Variants in PPM1A observed in about 807,000 individuals in gnomAD.
The protein encoded by PPM1A is protein phosphatase 1A.
Under a neutral mutation model 35.0 loss-of-function variants are expected in PPM1A, and 7 were observed. The observed-to-expected ratio is 0.20, with a 90% CI of 0.11 to 0.38. The LOEUF is 0.38. Among genes scored for constraint, PPM1A ranks in the 10% least tolerant of loss-of-function variants. The probability of loss-of-function intolerance (pLI) is 1.00; values close to 1 mark genes in which losing one functional copy is unlikely to be tolerated. For missense variants in PPM1A, 239 were observed against 467.8 expected (o/e 0.51, Z 4.51); for synonymous variants, 153 against 167.3 (o/e 0.91, Z 0.66).
At chr14:60,262,802 TAAAC>T (rs1883904829) in intron 1 of PPM1A, among the ~76,000 whole-genome samples, 1 of 152,246 alleles carries the variant, frequency 6.6e-6, no homozygotes, top group African/African-American at 2.4e-5. Flanking sequence ...GAGTATTTGT[TAAAC>T]AAGACTAAGC....
At chr14:60,250,353 T>G in intron 1 of PPM1A, 50 of 841,772 alleles carry the variant, frequency 5.9e-5, no homozygotes, top group South Asian at 1.1e-4. Flanking sequence ...AGAGCTTGGT[T>G]GAGGTATGGT....
chr14:60,263,601 T>TA (rs1429619470), intron 1 of PPM1A, among the ~76,000 whole-genome samples: 1 of 152,196 alleles, frequency 6.6e-6, no homozygotes, highest in East Asian at 1.9e-4. Flanking sequence ...GTTGGGCTTC[T>TA]AGTGTACCCA....
chr14:60,247,945 T>G (rs1411837464), upstream of PPM1A, among the ~76,000 whole-genome samples: 1 of 152,114 alleles, frequency 6.6e-6, no homozygotes, highest in African/African-American at 2.4e-5. Context: ...TACAATGAAG[T>G]CTTTGGTTTG....
chr14:60,286,294 T>G, intron 3 of PPM1A: 1 of 985,802 alleles, frequency 1.0e-6, no homozygotes. Context: ...AAGATAGACC[T>G]CAATAAAAGA....
intron 1 of PPM1A, among the ~76,000 whole-genome samples, chr14:60,257,875 A>G (rs1385879627): frequency 2.0e-5 from 3 of 152,192 alleles, no homozygotes; most frequent in Non-Finnish European, 4.4e-5. Context: ...TTAGAAAAAC[A>G]TCTTTGCAGT....
At position 60,285,753 on chromosome 14, in the gene PPM1A, A is replaced by T; in HGVS notation, c.952+12A>T. The T allele has an allele frequency of 6.2e-7, 1 of 1,604,178 alleles. No individual in the cohort carries two copies. The highest frequency in any genetic ancestry group is 8.5e-7 in the Non-Finnish European group (1 of 1,177,052). ...ATGCAGAGTAGAAGGTGGATCATTT[A>T]ACAAAAAATAAGTAGCTTTATTAAA... On this transcript the variant is annotated intron_variant, in intron 3 of 5. Transcript: ENST00000395076.
At chr14:60,270,415 T>C (rs1276305668) in intron 1 of PPM1A, among the ~76,000 whole-genome samples, 1 of 152,130 alleles carries the variant, frequency 6.6e-6, no homozygotes, top group Non-Finnish European at 1.5e-5. Flanking sequence ...TGAGTACTTT[T>C]TTAGTTACTT....
chr14:60,297,853 A>G lies in PPM1A; in HGVS notation c.*5371A>G, dbSNP rs868467316. 2.0e-5 allele frequency: 3 copies of G among 151,576 alleles called. No individual in the cohort carries two copies. Among genetic ancestry groups the G allele is most frequent in the Middle Eastern group, 3.2e-3 (1 of 316 alleles). The allele number at this position is 151,576 out of a possible 1,614,324, so 9.4% of individuals were successfully genotyped here. ...AGGAAAATGCGTATATAACATACAT[A>G]TCTCCCTAAAGTTTACAATATTGTA... On this transcript the variant is annotated 3_prime_UTR_variant, in exon 6 of 6. Transcript: ENST00000395076.
In PPM1A at chr14:60,289,936, C is replaced by G. The variant is rs376582808; in HGVS notation, c.1061+22C>G. The G allele has an allele frequency of 6.9e-7, 1 of 1,440,668 alleles. No homozygotes were observed. The allele number at this position is 1,440,668 out of a possible 1,614,324, so 89.2% of individuals were successfully genotyped here. A position where few individuals can be genotyped will look rare whatever the true frequency, so the allele number is the denominator to read the frequency against. ...GCAAGTAAGTTACATTCTGTACACT[C>G]TTATGCTTTATGTCAGTGTATGAAA... On this transcript the variant is annotated intron_variant, in intron 4 of 5. Coordinates refer to ENST00000395076, the MANE Select transcript of PPM1A (RefSeq NM_021003.5). The surrounding 1 kb of genome is among the most constrained non-coding windows in gnomAD (Gnocchi z 4.1).
In PPM1A at chr14:60,291,423, A is replaced by G. The variant is rs1225248697; in HGVS notation, c.1088A>G (p.Asn363Ser). ...SKRNVIEAVY[N>S]RLNPYKNDDT... ...AGGAATGTTATTGAAGCCGTTTACA[A>G]TAGACTGAATCCTTACAAAAATGAC... The change falls in exon 5 of 6, where the codon AAT (asparagine) becomes AGT (serine). Residue 363 changes from asparagine to serine, a missense_variant. Asn to Ser is a conservative substitution (Grantham distance 46). Transcript: ENST00000395076. 3.8e-6 allele frequency: 6 copies of G among 1,581,072 alleles called. No individual in the cohort carries two copies. Among genetic ancestry groups the G allele is most frequent in the East Asian group, 2.3e-5 (1 of 43,510 alleles).
At chr14:60,257,066 A>G (rs2139354478) in intron 1 of PPM1A, among the ~76,000 whole-genome samples, 1 of 152,370 alleles carries the variant, frequency 6.6e-6, no homozygotes, top group Non-Finnish European at 1.5e-5. Flanking sequence ...ATTTTTTAAT[A>G]TTAAAAAAGC....
rs112107738 is a variant in PPM1A, at chr14:60,275,594, C to T, written c.-20-7090C>T. ...TTCAAATTCGTGGGCCCAAGCAGTC[C>T]TCCTTCCTCAGCCTCCTGAGTAGCT... On this transcript the variant is annotated intron_variant, in intron 1 of 5. Transcript: ENST00000395076. 1.3e-3 allele frequency among the ~76,000 whole-genome samples: 196 copies of T among 152,234 alleles called. 1 individual carries two copies. Among genetic ancestry groups the T allele is most frequent in the Middle Eastern group, 6.8e-3 (2 of 294 alleles).
chr14:60,283,714 A>G lies in PPM1A; in HGVS notation c.834+177A>G, dbSNP rs1022640707. 4.6e-5 allele frequency among the ~76,000 whole-genome samples: 7 copies of G among 152,202 alleles called. No homozygotes were observed. Among genetic ancestry groups the G allele is most frequent in the African/African-American group, 7.2e-5 (3 of 41,446 alleles). ...CCACTATGTAGAAATAAATTACCCAATTACCATCTCTGCAAGAGTTATAAG... is the reference window on the plus strand; with the variant it reads ...CCACTATGTAGAAATAAATTACCCAGTTACCATCTCTGCAAGAGTTATAAG... On this transcript the variant is annotated intron_variant, in intron 2 of 5. Transcript: ENST00000395076. The surrounding 1 kb of genome is among the most constrained non-coding windows in gnomAD (Gnocchi z 6.3).
Position 60,282,238 on chromosome 14 carries a change from G to A in PPM1A, c.-20-446G>A, listed in dbSNP as rs184144270. Among the ~76,000 whole-genome samples the A allele has an allele frequency of 6.2e-4, 94 of 150,700 alleles. No homozygotes were observed. The highest frequency in any genetic ancestry group is 4.4e-3 in the Admixed American group (67 of 15,214). On this transcript the variant is annotated intron_variant, in intron 1 of 5. Coordinates refer to ENST00000395076, the MANE Select transcript of PPM1A (RefSeq NM_021003.5). This position sits in a 1 kb window ranked among gnomAD's most constrained non-coding sequence, Gnocchi z 5.1. ...AGTGGGAATAAAACTAGGGAGTTTG[G>A]AATCAAGCTTGAAAATTCCTGAATG...
chr14:60,258,461 TTC>T (rs1181349751), intron 1 of PPM1A, among the ~76,000 whole-genome samples: 1 of 152,174 alleles, frequency 6.6e-6, no homozygotes. Context: ...ACTATGTTTT[TTC>T]TCTTTTGTTC....
rs1187270631 is a variant in PPM1A at position 60,297,931 on chromosome 14, C to CG, written c.*5449_*5450insG. ...CCCATTCTAAAGTACAATAGGGCAT[C>CG]ATCCCTTTTCCTGCAAAGCCCAAAA... On this transcript the variant is annotated 3_prime_UTR_variant, in exon 6 of 6. Coordinates refer to ENST00000395076, the MANE Select transcript of PPM1A (RefSeq NM_021003.5). The CG allele has an allele frequency of 1.3e-5, 2 of 151,588 alleles. No homozygotes were observed. Among genetic ancestry groups the CG allele is most frequent in the African/African-American group, 4.8e-5 (2 of 41,358 alleles). 9.4% of individuals were successfully genotyped at this position (151,588 alleles called of 1,614,324 possible).
intron 1 of PPM1A, among the ~76,000 whole-genome samples, chr14:60,252,012 T>C (rs1252701060): frequency 2.0e-5 from 3 of 152,230 alleles, no homozygotes; most frequent in African/African-American, 4.8e-5. Context: ...AATTCTCTAA[T>C]ACCTCATTTG....
rs546959425 is a variant in PPM1A at position 60,298,383 on chromosome 14, G to A, written c.*5901G>A. 1.3e-5 allele frequency: 2 copies of A among 151,728 alleles called. No individual in the cohort carries two copies. Among genetic ancestry groups the A allele is most frequent in the South Asian group, 2.1e-4 (1 of 4,804 alleles). 9.4% of individuals were successfully genotyped at this position (151,728 alleles called of 1,614,324 possible). ...TTAGGTTATTTACTTACTAATTCAG[G>A]ATGTTAAAATAACATCCAAGTCGGA... is the stretch of plus-strand genomic sequence containing the variant. On this transcript the variant is annotated 3_prime_UTR_variant, in exon 6 of 6. Coordinates refer to ENST00000395076, the MANE Select transcript of PPM1A (RefSeq NM_021003.5).
chr14:60,292,424 T>G lies in PPM1A; in HGVS notation c.1120-29T>G. The stretch of plus-strand genomic sequence containing the variant: ...TTTTGGCACCGCTAAATTTTAACGT[T>G]GTTCCTTATTTTGCTTCCTTTTACA... On this transcript the variant is annotated intron_variant, in intron 5 of 5. Transcript: ENST00000395076. The surrounding 1 kb of genome is among the most constrained non-coding windows in gnomAD (Gnocchi z 4.2). The G allele has an allele frequency of 6.4e-7, 1 of 1,565,644 alleles. No homozygotes were observed. Among genetic ancestry groups the G allele is most frequent in the Non-Finnish European group, 8.8e-7 (1 of 1,137,408 alleles).
Sources: gnomAD v4.1 joint callset for allele counts (sites outside exome capture counted in the v4.1 genomes callset) on GRCh38, gnomAD v4.1.1 for gene constraint, Gnocchi (gnomAD v3.1) non-coding constraint, MANE v1.5 for transcripts, NCBI Gene and HGNC (gene_info 2026-07-23, HGNC 2026-07-21) for gene names.